Variants in DNAH14 observed in about 807,000 individuals in gnomAD.
DNAH14 encodes the protein axonemal beta dynein heavy chain 14.
A neutral mutation model predicts 520.9 loss-of-function variants in DNAH14; 478 were observed. The observed-to-expected ratio is 0.92, with a 90% CI of 0.85 to 0.99. The LOEUF (loss-of-function observed/expected upper bound fraction) is 0.99. Among genes scored for constraint, DNAH14 ranks in the 50% least tolerant of loss-of-function variants. The probability of loss-of-function intolerance (pLI) is 0.00; values close to 1 mark genes in which losing one functional copy is unlikely to be tolerated. For synonymous variants in DNAH14, 1,581 were observed against 1,757.2 expected (o/e 0.90, Z 2.51); for missense variants, 4,831 against 5,234.5 (o/e 0.92, Z 2.38).
At chr1:225,329,704 G>T (rs1433583919) in intron 64 of DNAH14, among the ~76,000 whole-genome samples, 1 of 152,088 alleles carries the variant, frequency 6.6e-6, no homozygotes, top group African/African-American at 2.4e-5. Flanking sequence ...AACTTCTTGA[G>T]AAAACATTGG....
chr1:225,079,429 C>T lies in DNAH14; in HGVS notation c.2647C>T (p.Leu883=). 6.5e-7 allele frequency: 1 copy of T among 1,548,802 alleles called. No individual in the cohort carries two copies. Among genetic ancestry groups the T allele is most frequent in the South Asian group, 1.2e-5 (1 of 83,402 alleles). ...AGTTCTTCTTCTTAAGTTTAGTCAA[C>T]TAAAATCATCTATGAAGTTAAGTAA... is the stretch of plus-strand genomic sequence containing the variant. ...FQVLLLKFSQ[L]KSSMKLSKIN... Residue 883 remains leucine, a synonymous_variant, in exon 18 of 86, where the codon CTA becomes TTA. Coordinates refer to ENST00000682510, the MANE Select transcript of DNAH14 (RefSeq NM_001367479.1).
chr1:224,985,147 C>T lies in DNAH14; in HGVS notation c.830+10994C>T, dbSNP rs553495906. On this transcript the variant is annotated intron_variant, in intron 8 of 85. Transcript: ENST00000682510. ...ACCTAGAGGAAAAGAAGTTATTATT[C>T]GAAAAAGATACTTGCACATGCATGT... Among the ~76,000 whole-genome samples, 6 of 152,120 alleles carry T rather than the reference C, an allele frequency of 3.9e-5. No homozygotes were observed. The South Asian group carries it at 6.2e-4, about 16-fold the overall frequency.
At chr1:225,242,380 A>G (rs1300760642) in intron 43 of DNAH14, among the ~76,000 whole-genome samples, 2 of 152,028 alleles carry the variant, frequency 1.3e-5, no homozygotes, top group Non-Finnish European at 1.5e-5. Flanking sequence ...TATTTTCTTG[A>G]TATCTTTATT....
intron 31 of DNAH14, 64 bp downstream of exon 31, chr1:225,147,313 A>G (rs996130909): frequency 7.2e-7 from 1 of 1,384,348 alleles, no homozygotes; most frequent in African/African-American, 1.7e-5. Flanking sequence ...TGTTTAGTTA[A>G]TTATTGTTAA....
chr1:225,209,012 G>T (rs1471659047), intron 41 of DNAH14, among the ~76,000 whole-genome samples: 1 of 151,926 alleles, frequency 6.6e-6, no homozygotes, highest in Non-Finnish European at 1.5e-5. Context: ...TTCAACATTA[G>T]ATCTTTTACA....
intron 77 of DNAH14, among the ~76,000 whole-genome samples, chr1:225,370,431 G>A (rs930348036): frequency 1.3e-5 from 2 of 151,202 alleles, no homozygotes; most frequent in African/African-American, 4.9e-5. Context: ...GAGGCAGGAG[G>A]ATCACTTGAC....
chr1:224,978,026 G>T (rs149661964), intron 8 of DNAH14, among the ~76,000 whole-genome samples: 2 of 152,276 alleles, frequency 1.3e-5, no homozygotes, highest in Non-Finnish European at 2.9e-5. Flanking sequence ...TGCTGATGAG[G>T]ATATGGAGAA....
rs946257272 is a variant in DNAH14 at position 225,259,331 on chromosome 1, A to T, written c.7157+78A>T. 4.7e-5 allele frequency: 49 copies of T among 1,036,518 alleles called. 1 individual carries two copies. The highest frequency in any genetic ancestry group is 3.0e-4 in the African/African-American group (18 of 59,598). 64.2% of individuals were successfully genotyped at this position (1,036,518 alleles called of 1,614,324 possible). ...TTAATATATAAATATGCCTGTTTTT[A>T]AAAAAAGCAAATCTGTTATGTAAAA... On this transcript the variant is annotated intron_variant, in intron 46 of 85. Transcript: ENST00000682510.
chr1:225,324,800 AG>A lies in DNAH14; in HGVS notation c.9692del (p.Arg3231AsnfsTer33). On this transcript the variant is annotated frameshift_variant, in exon 64 of 86. Transcript: ENST00000682510. LOFTEE classifies it high-confidence loss of function. ...AAACGTCCTTAAAATTGCGCGACAAAGACTTGCTGAGAAACAAAGAGGTTTA... is the reference window on the plus strand; with the variant it reads ...AAACGTCCTTAAAATTGCGCGACAAAACTTGCTGAGAAACAAAGAGGTTTA... ...AQNVLKIARQ[R>X]LAEKQRGLQL... The A allele has an allele frequency of 6.4e-7, 1 of 1,551,544 alleles. No homozygotes were observed. Among genetic ancestry groups the A allele is most frequent in the Non-Finnish European group, 8.7e-7 (1 of 1,146,940 alleles).
In DNAH14 at chr1:225,229,765, CA is replaced by C. The variant is rs369576558; in HGVS notation, c.6440-1307del. Among the ~76,000 whole-genome samples, 114 of 150,658 alleles carry C rather than the reference CA, an allele frequency of 7.6e-4. No individual in the cohort carries two copies. The East Asian group carries it at 0.018, about 24-fold the overall frequency. On this transcript the variant is annotated intron_variant, in intron 41 of 85. Transcript: ENST00000682510. ...GGGAACATCATACACTGGGGCCTGT[CA>C]GGGGTGGGGGTCAAGGGGAGGGATA...
intron 75 of DNAH14, among the ~76,000 whole-genome samples, chr1:225,362,629 A>T (rs1403556274): frequency 6.6e-6 from 1 of 151,994 alleles, no homozygotes; most frequent in African/African-American, 2.4e-5. Context: ...GCAAACTAAA[A>T]CCATAGTGAT....
Position 225,335,983 on chromosome 1 carries a change from ATATACACACATATGCATATATG to A in DNAH14, c.10081-1277_10081-1256del, listed in dbSNP as rs1309764014. On this transcript the variant is annotated intron_variant, in intron 66 of 85. Coordinates refer to ENST00000682510, the MANE Select transcript of DNAH14 (RefSeq NM_001367479.1). ...CATATACATATATGTACATATGTGT[ATATACACACATATGCATATATG>A]TATACGCATATATGCATATATGTAT... 1.5e-4 allele frequency among the ~76,000 whole-genome samples: 21 copies of A among 141,788 alleles called. 1 individual carries two copies. Among genetic ancestry groups the A allele is most frequent in the Non-Finnish European group, 3.2e-4 (21 of 65,148 alleles). The allele number at this position is 141,788 out of a possible 152,430, so 93.0% of individuals were successfully genotyped here.
intron 17 of DNAH14, among the ~76,000 whole-genome samples, chr1:225,058,897 A>G (rs1311966044): frequency 1.3e-5 from 2 of 152,118 alleles, no homozygotes; most frequent in Non-Finnish European, 2.9e-5. Context: ...TCTGAGAGAC[A>G]GTTTGTTATA....
intron 27 of DNAH14, among the ~76,000 whole-genome samples, chr1:225,130,582 A>G (rs1034440479): frequency 8.1e-5 from 12 of 148,834 alleles, no homozygotes; most frequent in Non-Finnish European, 1.5e-4. Flanking sequence ...AAAAAACCAA[A>G]CACTGCCTGT....
intron 23 of DNAH14, among the ~76,000 whole-genome samples, chr1:225,116,365 A>T (rs1241127824): frequency 6.6e-6 from 1 of 152,218 alleles, no homozygotes; most frequent in Admixed American, 6.5e-5. Flanking sequence ...GAGAATAGAT[A>T]TTTAAAAATC....
intron 54 of DNAH14, among the ~76,000 whole-genome samples, chr1:225,280,367 A>T (rs77774828): frequency 1.3e-5 from 2 of 152,282 alleles, no homozygotes; most frequent in Middle Eastern, 3.4e-3. Context: ...TGGAAGGCCA[A>T]GGCAGGTGGA....
intron 75 of DNAH14, among the ~76,000 whole-genome samples, chr1:225,361,656 T>C (rs1020555811): frequency 6.6e-6 from 1 of 152,254 alleles, no homozygotes; most frequent in Non-Finnish European, 1.5e-5. Context: ...TGCAACTGCA[T>C]GACTTAAATT....
intron 10 of DNAH14, among the ~76,000 whole-genome samples, chr1:225,017,371 A>G (rs1452960775): frequency 6.6e-6 from 1 of 152,230 alleles, no homozygotes; most frequent in Non-Finnish European, 1.5e-5. Context: ...TAATCAGGCT[A>G]ATAAAAATAC....
chr1:225,004,092 A>T (rs1444874684), intron 9 of DNAH14, among the ~76,000 whole-genome samples: 1 of 152,110 alleles, frequency 6.6e-6, no homozygotes, highest in Non-Finnish European at 1.5e-5. Context: ...AAGAGAACAA[A>T]CTTTTCCAGA....
Sources: allele counts gnomAD v4.1 joint callset (sites outside exome capture counted in the v4.1 genomes callset), GRCh38; gene constraint gnomAD v4.1.1; transcripts MANE v1.5; gene names NCBI Gene and HGNC (gene_info 2026-07-23, HGNC 2026-07-21).